The following ERO1B variants were observed in gnomAD, a reference collection of about 807,000 sequenced individuals.
The protein encoded by ERO1B is ERO1-like protein beta.
Under a neutral mutation model 75.3 loss-of-function variants are expected in ERO1B, and 49 were observed. That is an observed-to-expected ratio of 0.65 (90% confidence interval 0.52 to 0.83). The LOEUF (loss-of-function observed/expected upper bound fraction) is 0.83, where lower values mean the gene tolerates loss of function less well. ERO1B is among the 40% of genes least tolerant of loss of function. The probability of loss-of-function intolerance (pLI) is 0.00; values close to 1 mark genes in which losing one functional copy is unlikely to be tolerated. For missense variants in ERO1B, 512 were observed against 560.1 expected, an observed-to-expected ratio of 0.91 and a Z score of 0.87; for synonymous variants, 191 against 192.9, an observed-to-expected ratio of 0.99 and a Z score of 0.08.
rs10924790 is a variant in ERO1B at position 236,226,699 on chromosome 1, C to T, written c.753G>A (p.Ser251=). The T allele has an allele frequency of 0.048, 76,700 of 1,611,866 alleles. 5,479 individuals are homozygous for T. The highest frequency in any genetic ancestry group is 0.4 in the East Asian group (18,045 of 44,742). The change falls in exon 11 of 16, where the codon TCG becomes TCA. Residue 251 remains serine (S), a synonymous_variant. Transcript: ENST00000354619. ...GTAAATTGATGCTAGCATGAAGTCCCGATATAAGCTTATAGAAGACTCTTT... is the reference window on the plus strand; with the variant it reads ...GTAAATTGATGCTAGCATGAAGTCCTGATATAAGCTTATAGAAGACTCTTT... ...LEKRVFYKLI[S]GLHASINLHL...
chr1:236,264,609 C>G (rs1304728129), intron 2 of ERO1B, among the ~76,000 whole-genome samples: 1 of 151,986 alleles, frequency 6.6e-6, no homozygotes, highest in Non-Finnish European at 1.5e-5. Flanking sequence ...TTTGAGAGGC[C>G]AAGGTGGGCA....
At chr1:236,230,051 C>T (rs747717095) in intron 10 of ERO1B, among the ~76,000 whole-genome samples, 173 bp downstream of exon 10, 2 of 152,098 alleles carry the variant, frequency 1.3e-5, no homozygotes, top group Admixed American at 1.3e-4. Flanking sequence ...TGACCACTAT[C>T]TTCAAACTTT....
rs1354685956 is a variant in ERO1B at position 236,235,821 on chromosome 1, T to C, written c.641A>G (p.Tyr214Cys). 3.7e-6 allele frequency: 6 copies of C among 1,613,032 alleles called. No individual in the cohort carries two copies. In the Admixed American group the frequency reaches 1.0e-4, roughly 27 times the overall value. The part of the protein sequence containing the change: ...EENCFKPRSV[Y>C]RPLNPLAPSR... ...AGGCGCCAGAGGATTTAAAGGACGA[T>C]AAACAGATCGAGGCCTGAAAAAGAA... Residue 214 changes from tyrosine to cysteine, a missense_variant, in exon 8 of 16, where the codon TAT (tyrosine) becomes TGT (cysteine). By Grantham distance (194) the Tyr-to-Cys change is radical (BLOSUM62 -2). Transcript: ENST00000354619.
intron 2 of ERO1B, among the ~76,000 whole-genome samples, chr1:236,258,604 C>T (rs139037272): frequency 4.6e-5 from 7 of 152,140 alleles, no homozygotes; most frequent in African/African-American, 1.4e-4. Context: ...CATATGAAAA[C>T]GGCTGGGTGC....
At chr1:236,249,836 C>G in intron 5 of ERO1B, 49 bp downstream of exon 5, 1 of 1,318,686 alleles carries the variant, frequency 7.6e-7, no homozygotes, top group Non-Finnish European at 1.1e-6. Context: ...AAAATTGATT[C>G]TTGATATCAA....
intron 1 of ERO1B, among the ~76,000 whole-genome samples, chr1:236,273,940 C>T (rs1361647968): frequency 9.2e-5 from 14 of 151,710 alleles, no homozygotes; most frequent in Non-Finnish European, 1.5e-5. Flanking sequence ...ATTTATCAGC[C>T]CCTCAACAAT....
intron 2 of ERO1B, among the ~76,000 whole-genome samples, chr1:236,269,627 T>C (rs1330248652): frequency 6.6e-6 from 1 of 152,150 alleles, no homozygotes; most frequent in African/African-American, 2.4e-5. Context: ...CATTTTCAGC[T>C]TCTATAGAGA....
chr1:236,251,940 T>C, intron 4 of ERO1B, 110 bp downstream of exon 4: 2 of 767,192 alleles, frequency 2.6e-6, no homozygotes, highest in Non-Finnish European at 4.3e-6. Context: ...GCAAAATGTC[T>C]CCATTCCCAA....
chr1:236,280,068 C>T (rs533688857), intron 1 of ERO1B, among the ~76,000 whole-genome samples: 1 of 152,246 alleles, frequency 6.6e-6, no homozygotes, highest in Admixed American at 6.5e-5. Context: ...GTAAGAGGCT[C>T]GCTGGAGGCC....
chr1:236,229,040 A>G (rs563877834), intron 10 of ERO1B, among the ~76,000 whole-genome samples: 14 of 150,566 alleles, frequency 9.3e-5, no homozygotes, highest in South Asian at 6.3e-4. Flanking sequence ...CATCTTCTAC[A>G]TAAGTGATTT....
At chr1:236,235,880 T>A (rs948900459) in intron 7 of ERO1B, 45 bp from the exon 8 acceptor site, 9 of 1,524,088 alleles carry the variant, frequency 5.9e-6, no homozygotes, top group Admixed American at 1.8e-5. Context: ...GTTTTAACTT[T>A]TATAGTGTAT....
chr1:236,245,325 C>CAT (rs1664824411), intron 5 of ERO1B, among the ~76,000 whole-genome samples: 1 of 15,926 alleles, frequency 6.3e-5, no homozygotes, highest in African/African-American at 1.5e-4. Context: ...TATATATACA[C>CAT]ACACGTATAT....
rs181444750 is a variant in ERO1B at position 236,221,273 on chromosome 1, T to C, written c.1210-308A>G. Among the ~76,000 whole-genome samples the C allele has an allele frequency of 1.3e-3, 199 of 152,314 alleles. 1 individual carries two copies. The highest frequency in any genetic ancestry group is 5.6e-4 in the Non-Finnish European group (38 of 67,984). On this transcript the variant is annotated intron_variant, in intron 14 of 15. Transcript: ENST00000354619. ...GATTACAATGTTCAATTTGTAACCATAAAGGACTTTTTACAGCTTTTAGCA... is the reference window on the plus strand; with the variant it reads ...GATTACAATGTTCAATTTGTAACCACAAAGGACTTTTTACAGCTTTTAGCA...
intron 4 of ERO1B, among the ~76,000 whole-genome samples, chr1:236,251,812 AG>A (rs1665036403): frequency 6.6e-6 from 1 of 152,218 alleles, no homozygotes. Flanking sequence ...CTGACACTAT[AG>A]TTACATTTAA....
chr1:236,281,133 T>C (rs991516858), intron 1 of ERO1B, among the ~76,000 whole-genome samples: 4 of 152,160 alleles, frequency 2.6e-5, no homozygotes, highest in Non-Finnish European at 4.4e-5. Flanking sequence ...TAAAGCAATC[T>C]TGAGCAAGGG....
intron 5 of ERO1B, among the ~76,000 whole-genome samples, chr1:236,243,908 T>C (rs1460528682): frequency 1.3e-5 from 2 of 152,162 alleles, no homozygotes; most frequent in Non-Finnish European, 2.9e-5. Flanking sequence ...TGTCTATACT[T>C]ACAAGATCTA....
chr1:236,275,443 A>T (rs1665690407), intron 1 of ERO1B, among the ~76,000 whole-genome samples: 1 of 152,238 alleles, frequency 6.6e-6, no homozygotes, highest in African/African-American at 2.4e-5. Flanking sequence ...GAAGAGATGC[A>T]TTGGGCAAGC....
At chr1:236,270,451 A>C (rs1466697551) in intron 1 of ERO1B, among the ~76,000 whole-genome samples, 1 of 152,174 alleles carries the variant, frequency 6.6e-6, no homozygotes, top group Non-Finnish European at 1.5e-5. Flanking sequence ...AAAGTATTTC[A>C]TGAATGAGGT....
At position 236,220,866 on chromosome 1, in the gene ERO1B, G is replaced by C. The variant is rs766312320; in HGVS notation, c.1309C>G (p.Gln437Glu). ...GCATTTAAAAGAGCAACTATTTCCT[G>C]TCGGGTGAGTTGGAAGCCTTTAGAT... ...SPSKGFQLTR[Q>E]EIVALLNAFG... is the part of the protein sequence containing the mutation. Residue 437 changes from glutamine (Q) to glutamate (E), a missense_variant, in exon 15 of 16, where the codon CAG (glutamine) becomes GAG (glutamate). Gln to Glu is a conservative substitution (Grantham distance 29). Transcript: ENST00000354619. 6.3e-7 allele frequency: 1 copy of C among 1,588,870 alleles called. No homozygotes were observed. The highest frequency in any genetic ancestry group is 8.5e-7 in the Non-Finnish European group (1 of 1,169,690).
Sources: gnomAD v4.1 joint callset for allele counts (sites outside exome capture counted in the v4.1 genomes callset) on GRCh38, gnomAD v4.1.1 for gene constraint, MANE v1.5 for transcripts, NCBI Gene and HGNC (gene_info 2026-07-23, HGNC 2026-07-21) for gene names.